Variants in JAZF1 observed in about 807,000 individuals in gnomAD.
The protein encoded by JAZF1 is juxtaposed with another zinc finger protein 1.
JAZF1 carries 8 observed loss-of-function variants against 26.4 expected under a neutral mutation model. The observed-to-expected ratio is 0.30, with a 90% confidence interval of 0.18 to 0.55. JAZF1 has a LOEUF of 0.55. JAZF1 is among the 20% of genes least tolerant of loss of function. The pLI is 0.94. For synonymous variants in JAZF1, 126 were observed against 122.3 expected (o/e 1.03, Z -0.20); for missense variants, 199 against 322.0 (o/e 0.62, Z 2.92).
chr7:28,003,270 G>T (rs1465532865), intron 1 of JAZF1, among the ~76,000 whole-genome samples: 2 of 151,974 alleles, frequency 1.3e-5, no homozygotes, highest in African/African-American at 2.4e-5. Context: ...TAAGTGCAGG[G>T]AAAGAAAATC....
intron 2 of JAZF1, among the ~76,000 whole-genome samples, chr7:27,975,473 G>A (rs984805700): frequency 2.6e-5 from 4 of 152,168 alleles, no homozygotes; most frequent in African/African-American, 9.7e-5. Context: ...GGAAGGACGG[G>A]CTGAGACCCT....
At chr7:27,924,811 A>T (rs1193191937) in intron 2 of JAZF1, among the ~76,000 whole-genome samples, 2 of 152,232 alleles carry the variant, frequency 1.3e-5, no homozygotes, top group African/African-American at 4.8e-5. Context: ...ATCCGCATAA[A>T]GCTGCTTTAA....
At chr7:27,983,471 T>C (rs773546121) in intron 2 of JAZF1, among the ~76,000 whole-genome samples, 1 of 152,278 alleles carries the variant, frequency 6.6e-6, no homozygotes, top group Middle Eastern at 3.4e-3. Flanking sequence ...AATCTACGTC[T>C]GATTGGTGTA....
rs374936192 is a variant in JAZF1, at chr7:28,180,594, C to T, written c.-17G>A. On this transcript the variant is annotated 5_prime_UTR_variant, in exon 1 of 5. Transcript: ENST00000283928. The stretch of plus-strand genomic sequence containing the variant: ...GCCTGTCATGGTGCTACATCGAGAG[C>T]CCCCCTGGTGTCGGCTCTGCGAGCG... 4.1e-5 allele frequency: 65 copies of T among 1,595,552 alleles called. No homozygotes were observed. In the African/African-American group the frequency reaches 6.9e-4, roughly 17 times the overall value.
chr7:27,847,984 G>C (rs1192436171), intron 3 of JAZF1, among the ~76,000 whole-genome samples: 1 of 152,078 alleles, frequency 6.6e-6, no homozygotes, highest in African/African-American at 2.4e-5. Context: ...TAATTTTAAA[G>C]CAGGAACTGT....
At chr7:27,874,069 G>A (rs1783631031) in intron 3 of JAZF1, among the ~76,000 whole-genome samples, 2 of 152,204 alleles carry the variant, frequency 1.3e-5, no homozygotes, top group South Asian at 4.1e-4. Context: ...ACATTTATTT[G>A]GAGGAATCTT....
At chr7:27,863,296 C>T (rs1484604496) in intron 3 of JAZF1, among the ~76,000 whole-genome samples, 1 of 152,172 alleles carries the variant, frequency 6.6e-6, no homozygotes, top group Non-Finnish European at 1.5e-5. Context: ...CCTGTTCTCC[C>T]TGCTCTTGAA....
chr7:27,885,889 G>A (rs1373743918), intron 3 of JAZF1, among the ~76,000 whole-genome samples: 1 of 152,116 alleles, frequency 6.6e-6, no homozygotes, highest in African/African-American at 2.4e-5. Flanking sequence ...GCCAGGGCTG[G>A]TGAAATATTG....
intron 2 of JAZF1, among the ~76,000 whole-genome samples, chr7:27,906,141 TAC>T (rs1784252743): frequency 6.6e-6 from 1 of 152,064 alleles, no homozygotes; most frequent in Non-Finnish European, 1.5e-5. Context: ...AGAAGGCAAA[TAC>T]AAGGGCACTC....
At position 27,900,896 on chromosome 7, in the gene JAZF1, A is replaced by C. The variant is rs958468077; in HGVS notation, c.189-5480T>G. On this transcript the variant is annotated intron_variant, in intron 2 of 4. Coordinates refer to ENST00000283928, the MANE Select transcript of JAZF1 (RefSeq NM_175061.4). ...ATCAATATATACATTTCCACACATA[A>C]AGATTTTAATAAAATAGAAATCCGT... 1.6e-4 allele frequency among the ~76,000 whole-genome samples: 24 copies of C among 152,166 alleles called. 1 individual carries two copies. The highest frequency in any genetic ancestry group is 3.2e-3 in the Middle Eastern group (1 of 316).
chr7:28,040,356 T>C (rs887410502), intron 1 of JAZF1, among the ~76,000 whole-genome samples: 3 of 152,098 alleles, frequency 2.0e-5, no homozygotes, highest in Non-Finnish European at 2.9e-5. Context: ...ACAATCTAGA[T>C]GGGAAAATAA....
intron 1 of JAZF1, among the ~76,000 whole-genome samples, chr7:28,103,069 AG>A (rs927704882): frequency 6.6e-6 from 1 of 152,140 alleles, no homozygotes; most frequent in African/African-American, 2.4e-5. Flanking sequence ...AACACTTGCT[AG>A]GGATGACCAG....
chr7:28,070,725 C>T lies in JAZF1; in HGVS notation c.116-78744G>A, dbSNP rs557858523. On this transcript the variant is annotated intron_variant, in intron 1 of 4. Transcript: ENST00000283928. ...TGGGCATTTGAACAGCACAGAGGGC[C>T]AGAGGTAGAGTGTGAAGGCAACAGA... 2.1e-3 allele frequency among the ~76,000 whole-genome samples: 326 copies of T among 152,284 alleles called. 1 individual carries two copies. The highest frequency in any genetic ancestry group is 7.5e-3 in the African/African-American group (313 of 41,550).
intron 3 of JAZF1, among the ~76,000 whole-genome samples, chr7:27,866,344 C>A (rs1383056508): frequency 6.6e-6 from 1 of 152,334 alleles, no homozygotes; most frequent in East Asian, 1.9e-4. Flanking sequence ...GACACAAACT[C>A]AACCCAACTG....
intron 1 of JAZF1, among the ~76,000 whole-genome samples, chr7:28,023,443 GA>G (rs1783041030): frequency 6.6e-6 from 1 of 152,166 alleles, no homozygotes; most frequent in African/African-American, 2.4e-5. Context: ...AAGGTTTTAA[GA>G]GAAAATAAAA....
intron 1 of JAZF1, among the ~76,000 whole-genome samples, chr7:28,056,472 ACAC>A (rs374809591): frequency 0.14 from 19,692 of 144,462 alleles, 1,502 homozygotes; most frequent in Middle Eastern, 0.17. Flanking sequence ...ACACACACAC[ACAC>A]AATAAGAAAG....
chr7:27,904,371 T>C (rs1393646131), intron 2 of JAZF1, among the ~76,000 whole-genome samples: 1 of 152,214 alleles, frequency 6.6e-6, no homozygotes, highest in Non-Finnish European at 1.5e-5. Context: ...GCTAAAGGCG[T>C]ATTTGGTTAA....
intron 2 of JAZF1, among the ~76,000 whole-genome samples, chr7:27,897,320 G>A (rs1452690610): frequency 6.6e-6 from 1 of 152,206 alleles, no homozygotes; most frequent in Non-Finnish European, 1.5e-5. Context: ...TTAGTTAAGA[G>A]CATGGTATTT....
intron 1 of JAZF1, among the ~76,000 whole-genome samples, chr7:28,128,290 G>A (rs146638952): frequency 3.3e-5 from 5 of 152,266 alleles, no homozygotes; most frequent in East Asian, 1.9e-4. Context: ...ATGGAAGGCC[G>A]AGGCAGGTGG....
Sources: allele counts gnomAD v4.1 joint callset (sites outside exome capture counted in the v4.1 genomes callset), GRCh38; gene constraint gnomAD v4.1.1; transcripts MANE v1.5; gene names NCBI Gene and HGNC (gene_info 2026-07-23, HGNC 2026-07-21).